The following BANK1 variants were observed in gnomAD, a reference collection of about 807,000 sequenced individuals.
The protein encoded by BANK1 is B-cell scaffold protein with ankyrin repeats.
In BANK1, 95 loss-of-function variants were observed where a neutral mutation model predicts 94.5. The observed-to-expected ratio is 1.00, with a 90% CI of 0.85 to 1.19. The LOEUF (loss-of-function observed/expected upper bound fraction) is 1.19. Among genes scored for constraint, BANK1 ranks in the 50% most tolerant of loss-of-function variants. BANK1 has a pLI of 0.00. For synonymous variants in BANK1, 334 were observed against 308.4 expected, an observed-to-expected ratio of 1.08 and a Z score of -0.87; for missense variants, 987 against 932.2, an observed-to-expected ratio of 1.06 and a Z score of -0.77.
At chr4:101,861,751 T>A (rs4296682) in intron 3 of BANK1, among the ~76,000 whole-genome samples, 83,464 of 151,842 alleles carry the variant, frequency 0.55, 24,271 homozygotes, top group African/African-American at 0.74. Flanking sequence ...ATATATTTAT[T>A]TAAAAAGTGC....
Position 101,918,195 on chromosome 4 carries a change from T to C in BANK1, c.1206+6T>C. ...AAATCTTCGAAGACTTTTCAGTAAGTTTTTTTTTTAAATTATATCTCTGTA... is the reference window on the plus strand; with the variant it reads ...AAATCTTCGAAGACTTTTCAGTAAGCTTTTTTTTTAAATTATATCTCTGTA... On this transcript the variant is annotated splice_donor_region_variant and intron_variant, in intron 7 of 16. Transcript: ENST00000322953. 1 of 1,530,432 alleles carries C rather than the reference T, an allele frequency of 6.5e-7. No individual in the cohort carries two copies. Among genetic ancestry groups the C allele is most frequent in the Non-Finnish European group, 8.8e-7 (1 of 1,131,788 alleles). 94.8% of individuals were successfully genotyped at this position (1,530,432 alleles called of 1,614,324 possible). A position where few individuals can be genotyped will look rare whatever the true frequency, so the allele number is the denominator to read the frequency against.
rs575871557 is a variant in BANK1 at position 101,840,260 on chromosome 4, G to A, written c.469+10054G>A. 1.8e-4 allele frequency among the ~76,000 whole-genome samples: 27 copies of A among 151,976 alleles called. No homozygotes were observed. In the South Asian group the frequency reaches 4.0e-3, roughly 22 times the overall value. On this transcript the variant is annotated intron_variant, in intron 2 of 16. Coordinates refer to ENST00000322953, the MANE Select transcript of BANK1 (RefSeq NM_017935.5). The stretch of plus-strand genomic sequence containing the variant: ...TGGCATCACAGGCGTGAGCCACCGC[G>A]CCCGGCCAAATATTTAATTTTATAG...
intron 4 of BANK1, among the ~76,000 whole-genome samples, chr4:101,867,227 C>T (rs934485467): frequency 7.1e-6 from 1 of 141,344 alleles, no homozygotes; most frequent in Non-Finnish European, 1.6e-5. Flanking sequence ...TCAGAAACCA[C>T]ACAAGCAAGA....
At chr4:102,009,121 G>C (rs1726400756) in intron 7 of BANK1, among the ~76,000 whole-genome samples, 1 of 152,192 alleles carries the variant, frequency 6.6e-6, no homozygotes, top group African/African-American at 2.4e-5. Flanking sequence ...TAGGCCTTCT[G>C]TTGTTTTTCA....
At chr4:101,809,431 T>TAAA (rs1156513939) in intron 1 of BANK1, among the ~76,000 whole-genome samples, 1 of 152,030 alleles carries the variant, frequency 6.6e-6, no homozygotes, top group African/African-American at 2.4e-5. Flanking sequence ...CCAAAACCAC[T>TAAA]AAAGAACTTC....
chr4:101,833,289 T>G (rs1465254310), intron 2 of BANK1, among the ~76,000 whole-genome samples: 1 of 152,228 alleles, frequency 6.6e-6, no homozygotes, highest in Non-Finnish European at 1.5e-5. Flanking sequence ...TCAAGTTTTC[T>G]TATGTGTCAC....
intron 6 of BANK1, 57 bp downstream of exon 6, chr4:101,895,467 C>T: frequency 9.3e-7 from 1 of 1,069,574 alleles, no homozygotes; most frequent in Admixed American, 2.0e-5. Flanking sequence ...TTCTATGTAA[C>T]TCTTTAATGA....
rs1194676622 is a variant in BANK1 at position 101,866,887 on chromosome 4, C to T, written c.764-3618C>T. 9.5e-5 allele frequency among the ~76,000 whole-genome samples: 7 copies of T among 73,884 alleles called. 2 individuals are homozygous for T. The highest frequency in any genetic ancestry group is 2.4e-4 in the Admixed American group (2 of 8,164). 48.5% of individuals were successfully genotyped at this position (73,884 alleles called of 152,430 possible). A position where few individuals can be genotyped will look rare whatever the true frequency, so the allele number is the denominator to read the frequency against. Reference sequence around the variant, plus strand: ...GTAGGGACATGGATGAAATTGGAAACCATCATTCTCAGTAAACTATCGCAA... The same window carrying T: ...GTAGGGACATGGATGAAATTGGAAATCATCATTCTCAGTAAACTATCGCAA... On this transcript the variant is annotated intron_variant, in intron 4 of 16. Coordinates refer to ENST00000322953, the MANE Select transcript of BANK1 (RefSeq NM_017935.5).
At chr4:101,962,256 C>A (rs552351895) in intron 7 of BANK1, among the ~76,000 whole-genome samples, 2 of 152,248 alleles carry the variant, frequency 1.3e-5, no homozygotes, top group South Asian at 4.1e-4. Context: ...CCATCTTAGC[C>A]CCACGGCATC....
intron 7 of BANK1, among the ~76,000 whole-genome samples, chr4:101,928,614 A>C (rs1466620345): frequency 1.3e-5 from 2 of 151,724 alleles, no homozygotes; most frequent in Admixed American, 1.3e-4. Flanking sequence ...AAATATCAGC[A>C]AGCCAATTAA....
intron 1 of BANK1, among the ~76,000 whole-genome samples, chr4:101,791,507 C>T (rs148547182): frequency 2.2e-3 from 340 of 152,252 alleles, no homozygotes; most frequent in African/African-American, 7.7e-3. Flanking sequence ...GGAAAACGGT[C>T]AACTTGGTTG....
At chr4:101,838,058 C>CA (rs1726899586) in intron 2 of BANK1, among the ~76,000 whole-genome samples, 1 of 152,126 alleles carries the variant, frequency 6.6e-6, no homozygotes, top group South Asian at 2.1e-4. Context: ...CTCCAGAGTT[C>CA]AAATGATTCT....
At position 102,060,394 on chromosome 4, in the gene BANK1, T is replaced by TA. The variant is rs772217447; in HGVS notation, c.2148+6dup. On this transcript the variant is annotated splice_donor_region_variant and intron_variant, in intron 12 of 16. Transcript: ENST00000322953. ...GGCCTGGAAATGATTCAGCAGGTAA[T>TA]ATTGGCCCAGTGTTTTCTGGGACAT... 1 of 1,597,672 alleles carries TA rather than the reference T, an allele frequency of 6.3e-7. No individual in the cohort carries two copies. Among genetic ancestry groups the TA allele is most frequent in the Admixed American group, 1.8e-5 (1 of 56,686 alleles).
Position 101,900,208 on chromosome 4 carries a change from G to A in BANK1, c.1009+4798G>A, listed in dbSNP as rs531437038. Among the ~76,000 whole-genome samples, 9 of 152,266 alleles carry A rather than the reference G, an allele frequency of 5.9e-5. No homozygotes were observed. In the East Asian group the frequency reaches 9.7e-4, roughly 16 times the overall value. On this transcript the variant is annotated intron_variant, in intron 6 of 16. Coordinates refer to ENST00000322953, the MANE Select transcript of BANK1 (RefSeq NM_017935.5). Reference sequence around the variant, plus strand: ...TCTTCTAGGTGCTCCAGAAACAGGCGGCCTGTATAGGAAAGCTCTTCTTCA... The same window carrying A: ...TCTTCTAGGTGCTCCAGAAACAGGCAGCCTGTATAGGAAAGCTCTTCTTCA...
At chr4:102,040,845 C>T (rs1414492657) in intron 10 of BANK1, among the ~76,000 whole-genome samples, 2 of 151,864 alleles carry the variant, frequency 1.3e-5, no homozygotes, top group Non-Finnish European at 2.9e-5. Context: ...CATTAGAGAT[C>T]GTCACATCTA....
intron 6 of BANK1, among the ~76,000 whole-genome samples, chr4:101,916,951 C>G (rs553341071): frequency 6.6e-6 from 1 of 151,914 alleles, no homozygotes; most frequent in Admixed American, 6.6e-5. Flanking sequence ...ACATGCTAAA[C>G]GTTTATTGTA....
intron 6 of BANK1, among the ~76,000 whole-genome samples, chr4:101,902,498 G>A (rs1370039237): frequency 6.6e-6 from 1 of 152,144 alleles, no homozygotes; most frequent in Non-Finnish European, 1.5e-5. Context: ...AGTTGGGATT[G>A]CAATTTTAAA....
rs146726055 is a variant in BANK1 at position 101,802,719 on chromosome 4, G to A, written c.70+11769G>A. ...ATTATAAGACCTCTCTATACCTCAC[G>A]TTTTTTTCTTTTGGAAAAGATGAAA... On this transcript the variant is annotated intron_variant, in intron 1 of 16. Coordinates refer to ENST00000322953, the MANE Select transcript of BANK1 (RefSeq NM_017935.5). 7.2e-3 allele frequency among the ~76,000 whole-genome samples: 1,092 copies of A among 152,098 alleles called. 9 individuals carry two copies. Among genetic ancestry groups the A allele is most frequent in the Non-Finnish European group, 0.01 (681 of 68,002 alleles).
At chr4:101,955,743 T>A (rs1724314930) in intron 7 of BANK1, among the ~76,000 whole-genome samples, 1 of 152,170 alleles carries the variant, frequency 6.6e-6, no homozygotes, top group Admixed American at 6.5e-5. Flanking sequence ...AAAACCTATA[T>A]TTAATGAAAA....
Sources: gnomAD v4.1 joint callset for allele counts (sites outside exome capture counted in the v4.1 genomes callset) on GRCh38, gnomAD v4.1.1 for gene constraint, MANE v1.5 for transcripts, NCBI Gene and HGNC (gene_info 2026-07-23, HGNC 2026-07-21) for gene names.